DHPS: variants seen among roughly 807,000 people sequenced by gnomAD.
DHPS encodes deoxyhypusine synthase, also known as migration-inducing gene 13.
In DHPS, 24 loss-of-function variants were observed where a neutral mutation model predicts 38.7. The ratio of observed to expected loss-of-function variants is 0.62; its 90% CI spans 0.45 to 0.87. DHPS has a LOEUF of 0.87. DHPS is among the 40% of genes least tolerant of loss of function. DHPS has a pLI of 0.00. For missense variants in DHPS, 510 were observed against 497.6 expected (o/e 1.02, Z -0.24); for synonymous variants, 250 against 204.4 (o/e 1.22, Z -1.90).
intron 2 of DHPS, 84 bp downstream of exon 2, chr19:12,680,076 CT>C: frequency 6.3e-7 from 1 of 1,579,806 alleles, no homozygotes; most frequent in Non-Finnish European, 8.7e-7. Flanking sequence ...TAACAGACCC[CT>C]ATCTGCCCAT....
Position 12,677,390 on chromosome 19 carries a change from T to C in DHPS, c.685A>G (p.Ile229Val). Residue 229 changes from isoleucine to valine, a missense_variant, in exon 6 of 9, where the codon ATC becomes GTC. Coordinates refer to ENST00000210060, the MANE Select transcript of DHPS (RefSeq NM_001930.4). ...GTAAGTGCGGGACTAAACACAGGGA[T>C]GTGGTTCTGCAGAGAACATGACAGG... is the stretch of plus-strand genomic sequence containing the variant. ...SVYYWAQKNH[I>V]PVFSPALTDG... The C allele has an allele frequency of 1.2e-6, 2 of 1,613,688 alleles. No homozygotes were observed. Among genetic ancestry groups the C allele is most frequent in the South Asian group, 1.1e-5 (1 of 90,996 alleles).
intron 2 of DHPS, 72 bp from the exon 3 acceptor site, chr19:12,679,994 C>T (rs2024745145): frequency 1.3e-6 from 2 of 1,570,846 alleles, no homozygotes; most frequent in Middle Eastern, 1.8e-4. Context: ...AACTTCTAAC[C>T]TCATCCTTGT....
At chr19:12,672,608 C>T, downstream of DHPS, 1 of 549,244 alleles carries the variant, frequency 1.8e-6, no homozygotes, top group South Asian at 2.0e-5. Flanking sequence ...AACTCTGTCT[C>T]AAACAAAAGG....
downstream of DHPS, chr19:12,675,635 G>A (rs35092999): frequency 9.3e-3 from 14,968 of 1,602,246 alleles, 209 homozygotes; most frequent in Admixed American, 0.068. Context: ...CAGTGCTGGC[G>A]AGAGGAGGCC....
At position 12,675,721 on chromosome 19, in the gene DHPS, A is replaced by G; in HGVS notation, c.*117T>C. On this transcript the variant is annotated 3_prime_UTR_variant, in exon 9 of 9. Coordinates refer to ENST00000210060, the MANE Select transcript of DHPS (RefSeq NM_001930.4). ...CCAAGGACCGAGACACAGACATGGAAGGACTTCAGATACCATCTTATTCTA... is the reference window on the plus strand; with the variant it reads ...CCAAGGACCGAGACACAGACATGGAGGGACTTCAGATACCATCTTATTCTA... 1 of 1,591,388 alleles carries G rather than the reference A, an allele frequency of 6.3e-7. No individual in the cohort carries two copies. The highest frequency in any genetic ancestry group is 8.5e-7 in the Non-Finnish European group (1 of 1,172,708).
At chr19:12,675,494 A>G, downstream of DHPS, 2 of 1,597,470 alleles carry the variant, frequency 1.3e-6, no homozygotes, top group East Asian at 2.2e-5. Context: ...CCAGCCACAG[A>G]TAACCACTCC....
chr19:12,673,105 G>A (rs1379052231), downstream of DHPS: 3 of 1,612,842 alleles, frequency 1.9e-6, no homozygotes, highest in South Asian at 3.3e-5. Context: ...ACACAGGGGA[G>A]CTGCTGGGCG....
At position 12,675,899 on chromosome 19, in the gene DHPS, A is replaced by G. The variant is rs2024565575; in HGVS notation, c.1049T>C (p.Leu350Pro). The change falls in exon 9 of 9, where the codon CTT becomes CCT. Residue 350 changes from leucine (L) to proline (P), a missense_variant. Leu to Pro is a moderately conservative substitution (Grantham distance 98). Coordinates refer to ENST00000210060, the MANE Select transcript of DHPS (RefSeq NM_001930.4). ...YADASLVFPLLVAETFAQKMD... is the reference protein window; with the variant it reads ...YADASLVFPLPVAETFAQKMD... ...CTTCTGGGCAAAGGTTTCAGCCACAAGCAGGGGGAAGACCAGGGAGGCGTC... is the reference window on the plus strand; with the variant it reads ...CTTCTGGGCAAAGGTTTCAGCCACAGGCAGGGGGAAGACCAGGGAGGCGTC... 1 of 1,610,262 alleles carries G rather than the reference A, an allele frequency of 6.2e-7. No individual in the cohort carries two copies. Among genetic ancestry groups the G allele is most frequent in the Non-Finnish European group, 8.5e-7 (1 of 1,178,062 alleles).
intron 5 of DHPS, among the ~76,000 whole-genome samples, chr19:12,677,814 GTTTT>G (rs1467623010): frequency 6.6e-6 from 1 of 151,698 alleles, no homozygotes; most frequent in Admixed American, 6.6e-5. Context: ...TTTGCATTTT[GTTTT>G]TTTAGTAGAG....
chr19:12,681,867 A>T lies in DHPS; in HGVS notation c.-101T>A, dbSNP rs1037694521. On this transcript the variant is annotated 5_prime_UTR_variant, in exon 1 of 9. Coordinates refer to ENST00000210060, the MANE Select transcript of DHPS (RefSeq NM_001930.4). ...GACGCGCGCGTCTCCGCAAGAGCAC[A>T]GGAAGTAGGGAACGTGCTTTGGGCG... is the stretch of plus-strand genomic sequence containing the variant. 1.2e-5 allele frequency: 13 copies of T among 1,046,824 alleles called. No individual in the cohort carries two copies. Among genetic ancestry groups the T allele is most frequent in the Non-Finnish European group, 1.5e-5 (11 of 714,500 alleles). The allele number at this position is 1,046,824 out of a possible 1,614,324, so 64.8% of individuals were successfully genotyped here.
Position 12,676,005 on chromosome 19 carries a change from G to A in DHPS, c.1014+12C>T. 1 of 1,612,740 alleles carries A rather than the reference G, an allele frequency of 6.2e-7. No individual in the cohort carries two copies. The highest frequency in any genetic ancestry group is 8.5e-7 in the Non-Finnish European group (1 of 1,179,114). On this transcript the variant is annotated intron_variant, in intron 8 of 8. Coordinates refer to ENST00000210060, the MANE Select transcript of DHPS (RefSeq NM_001930.4). Reference sequence around the variant, plus strand: ...TCCCAGAGACCCTATGCCCCACCCAGCCAGCGCTTACCTTGACGGGCTGTG... The same window carrying A: ...TCCCAGAGACCCTATGCCCCACCCAACCAGCGCTTACCTTGACGGGCTGTG...
downstream of DHPS, among the ~76,000 whole-genome samples, chr19:12,675,257 T>A (rs967271036): frequency 2.0e-5 from 3 of 152,202 alleles, no homozygotes; most frequent in African/African-American, 7.2e-5. Flanking sequence ...TAAGACCCCA[T>A]CTCTGCTATT....
Position 12,675,953 on chromosome 19 carries a change from G to A in DHPS, c.1015-20C>T, listed in dbSNP as rs1290107203. 1 of 1,602,406 alleles carries A rather than the reference G, an allele frequency of 6.2e-7. No homozygotes were observed. Among genetic ancestry groups the A allele is most frequent in the Non-Finnish European group, 8.5e-7 (1 of 1,172,954 alleles). On this transcript the variant is annotated intron_variant, in intron 8 of 8. Coordinates refer to ENST00000210060, the MANE Select transcript of DHPS (RefSeq NM_001930.4). ...ATAGACCTGGGTAGGGGGGAACCTG[G>A]GTAAGCCATGGGACCCACACTCATC... is the stretch of plus-strand genomic sequence containing the variant.
chr19:12,675,252 C>A (rs2024539258), downstream of DHPS, among the ~76,000 whole-genome samples: 2 of 152,208 alleles, frequency 1.3e-5, no homozygotes, highest in Non-Finnish European at 2.9e-5. Context: ...CATGGTAAGA[C>A]CCCATCTCTG....
At chr19:12,672,843 G>A (rs780569389), downstream of DHPS, 4 of 1,577,628 alleles carry the variant, frequency 2.5e-6, no homozygotes, top group Non-Finnish European at 2.6e-6. Context: ...ACCCTCTCCT[G>A]CAGCTCCGTG....
chr19:12,673,149 C>T, downstream of DHPS: 1 of 1,611,382 alleles, frequency 6.2e-7, no homozygotes, highest in Non-Finnish European at 8.5e-7. Context: ...ATCCCCTTCC[C>T]TCCTCTCCCA....
chr19:12,679,815 C>G lies in DHPS; in HGVS notation c.480G>C (p.Glu160Asp). The G allele has an allele frequency of 4.3e-6, 7 of 1,614,168 alleles. No individual in the cohort carries two copies. The highest frequency in any genetic ancestry group is 5.9e-6 in the Non-Finnish European group (7 of 1,180,008). ...EFSLRGKELR[E>D]NGINRIGNLL... ...AGGGTTCTCACCTATTGATCCCGTT[C>G]TCCCGGAGCTCCTTCCCCCTGAGGC... The change falls in exon 3 of 9, where the codon GAG becomes GAC. Residue 160 changes from glutamate (E) to aspartate (D), a missense_variant. Physicochemically the swap from Glu to Asp is conservative, Grantham distance 45. Coordinates refer to ENST00000210060, the MANE Select transcript of DHPS (RefSeq NM_001930.4).
chr19:12,676,383 G>A (rs1013143732), intron 7 of DHPS: 12 of 513,126 alleles, frequency 2.3e-5, no homozygotes, highest in Admixed American at 7.4e-5. Flanking sequence ...CCATCTGCAA[G>A]GCAGGAGCTG....
downstream of DHPS, among the ~76,000 whole-genome samples, chr19:12,675,128 A>C (rs2024535241): frequency 6.6e-6 from 1 of 151,170 alleles, no homozygotes; most frequent in African/African-American, 2.4e-5. Flanking sequence ...AAAACAGAAA[A>C]AGAAAAAGAC....
Sources: gnomAD v4.1 joint callset for allele counts (sites outside exome capture counted in the v4.1 genomes callset) on GRCh38, gnomAD v4.1.1 for gene constraint, MANE v1.5 for transcripts, NCBI Gene and HGNC (gene_info 2026-07-23, HGNC 2026-07-21) for gene names.